Variants in DYNC1I1 observed in about 807,000 individuals in gnomAD.
The protein encoded by DYNC1I1 is dynein cytoplasmic 1 intermediate chain 1, also known as cytoplasmic dynein 1 intermediate chain 1.
A neutral mutation model predicts 86.6 loss-of-function variants in DYNC1I1; 43 were observed. That is an observed-to-expected ratio of 0.50 (90% confidence interval 0.39 to 0.64). The LOEUF (loss-of-function observed/expected upper bound fraction) is 0.64, where lower values mean the gene tolerates loss of function less well. Among genes scored for constraint, DYNC1I1 ranks in the 30% least tolerant of loss-of-function variants. DYNC1I1 has a pLI of 0.00. For synonymous variants in DYNC1I1, 262 were observed against 283.7 expected, an observed-to-expected ratio of 0.92 and a Z score of 0.77; for missense variants, 604 against 788.8, an observed-to-expected ratio of 0.77 and a Z score of 2.81.
chr7:95,804,357 T>G (rs1794655124), intron 1 of DYNC1I1: 1 of 1,277,162 alleles, frequency 7.8e-7, no homozygotes, highest in Admixed American at 2.5e-5. Context: ...ATCATCTAAA[T>G]TGGAAGTCAT....
intron 6 of DYNC1I1, among the ~76,000 whole-genome samples, chr7:95,957,742 A>C (rs749456886): frequency 3.9e-5 from 6 of 152,158 alleles, no homozygotes; most frequent in Non-Finnish European, 5.9e-5. Flanking sequence ...GTGTTTGCTG[A>C]TTGTGGGATT....
intron 16 of DYNC1I1, among the ~76,000 whole-genome samples, chr7:96,107,027 T>G (rs367544531): frequency 1.3e-5 from 2 of 151,380 alleles, no homozygotes; most frequent in East Asian, 3.9e-4. Context: ...CCATTTTTCA[T>G]TCATACTTTT....
Position 95,884,332 on chromosome 7 carries a change from G to C in DYNC1I1, c.490+14334G>C, listed in dbSNP as rs78271000. The stretch of plus-strand genomic sequence containing the variant: ...CTAACGGGTAAGAGAGATGAGCTCA[G>C]ATTGGAGGAGCTCACCTCAGCCTCT... On this transcript the variant is annotated intron_variant, in intron 6 of 16. Coordinates refer to ENST00000447467, the MANE Select transcript of DYNC1I1 (RefSeq NM_001135556.2). Among the ~76,000 whole-genome samples the C allele has an allele frequency of 6.0e-3, 914 of 152,138 alleles. 17 individuals carry two copies. The highest frequency in any genetic ancestry group is 0.02 in the African/African-American group (828 of 41,506).
intron 6 of DYNC1I1, among the ~76,000 whole-genome samples, chr7:95,876,679 T>G (rs543893302): frequency 6.6e-6 from 1 of 152,258 alleles, no homozygotes; most frequent in Non-Finnish European, 1.5e-5. Flanking sequence ...AATGACACAG[T>G]CAAGAAATAG....
chr7:95,877,534 A>G (rs1038468715), intron 6 of DYNC1I1, among the ~76,000 whole-genome samples: 4 of 152,258 alleles, frequency 2.6e-5, no homozygotes, highest in Admixed American at 1.3e-4. Context: ...TCAAAATCAG[A>G]GAGCTCAGAA....
intron 14 of DYNC1I1, among the ~76,000 whole-genome samples, chr7:96,062,275 T>A (rs1480488486): frequency 1.3e-5 from 2 of 152,244 alleles, no homozygotes; most frequent in Non-Finnish European, 2.9e-5. Flanking sequence ...TCAGCAGAGC[T>A]GTATTTTAAA....
intron 5 of DYNC1I1, among the ~76,000 whole-genome samples, chr7:95,835,137 C>G (rs1367297304): frequency 1.2e-5 from 1 of 82,476 alleles, no homozygotes; most frequent in African/African-American, 6.0e-5. Context: ...CTACACACTG[C>G]TTTGAATGCG....
rs773232054 is a variant in DYNC1I1 at position 96,076,049 on chromosome 7, C to T, written c.1510-8C>T. On this transcript the variant is annotated splice_region_variant and splice_polypyrimidine_tract_variant and intron_variant, in intron 14 of 16. Transcript: ENST00000447467. ...CCACAAAGTCTTCACGGTCTCTCTG[C>T]TTTACAGCACAACAAGCCGCTCTAC... 3 of 1,612,980 alleles carry T rather than the reference C, an allele frequency of 1.9e-6. No homozygotes were observed. The highest frequency in any genetic ancestry group is 2.5e-6 in the Non-Finnish European group (3 of 1,179,262).
chr7:95,846,617 ATCTC>A (rs71739811), intron 5 of DYNC1I1, among the ~76,000 whole-genome samples: 1,583 of 121,350 alleles, frequency 0.013, 60 homozygotes, highest in African/African-American at 0.039. Flanking sequence ...TAAATGATAA[ATCTC>A]TCTCTCTGTG....
intron 14 of DYNC1I1, among the ~76,000 whole-genome samples, chr7:96,063,206 G>A (rs905961724): frequency 7.2e-5 from 11 of 151,732 alleles, no homozygotes; most frequent in African/African-American, 2.7e-4. Flanking sequence ...TGGTTGAGCC[G>A]TAGTCATTGA....
chr7:96,079,128 T>C (rs1790435913), intron 15 of DYNC1I1, among the ~76,000 whole-genome samples: 1 of 152,126 alleles, frequency 6.6e-6, no homozygotes, highest in Non-Finnish European at 1.5e-5. Flanking sequence ...GATTCTTATA[T>C]ATGATGGAGT....
rs775216924 is a variant in DYNC1I1, at chr7:96,035,733, A to G, written c.1345A>G (p.Thr449Ala). Residue 449 changes from threonine (T) to alanine (A), a missense_variant, in exon 13 of 17, where the codon ACG becomes GCG. Transcript: ENST00000447467. ...VVGSEEGTVY[T>A]ACRHGSKAGI... Reference sequence around the variant, plus strand: ...TGGCAGTGAGGAAGGTACAGTCTACACGGCTTGTCGTCATGGAAGGTGATT... The same window carrying G: ...TGGCAGTGAGGAAGGTACAGTCTACGCGGCTTGTCGTCATGGAAGGTGATT... 7 of 1,610,302 alleles carry G rather than the reference A, an allele frequency of 4.3e-6. No individual in the cohort carries two copies. The Admixed American group carries it at 6.8e-5, about 16-fold the overall frequency.
At chr7:95,902,643 A>C (rs1423531052) in intron 6 of DYNC1I1, among the ~76,000 whole-genome samples, 1 of 152,184 alleles carries the variant, frequency 6.6e-6, no homozygotes, top group Non-Finnish European at 1.5e-5. Flanking sequence ...CATTTTAAGA[A>C]CATGGCATTT....
At chr7:95,861,501 T>G (rs529596981) in intron 5 of DYNC1I1, among the ~76,000 whole-genome samples, 5 of 152,200 alleles carry the variant, frequency 3.3e-5, no homozygotes, top group Non-Finnish European at 7.3e-5. Context: ...GCTGGTGACA[T>G]CTATGGAATT....
intron 6 of DYNC1I1, among the ~76,000 whole-genome samples, chr7:95,883,937 A>C (rs1387736954): frequency 2.6e-5 from 4 of 152,182 alleles, no homozygotes; most frequent in Non-Finnish European, 5.9e-5. Context: ...ATGTTTTTTT[A>C]ATGAAGATTT....
chr7:95,845,410 C>A (rs1424418819), intron 5 of DYNC1I1, among the ~76,000 whole-genome samples: 1 of 152,192 alleles, frequency 6.6e-6, no homozygotes, highest in African/African-American at 2.4e-5. Context: ...ATTTGCCTAA[C>A]AGAACAGATG....
intron 14 of DYNC1I1, 116 bp downstream of exon 14, chr7:96,039,537 C>A: frequency 7.7e-7 from 1 of 1,295,032 alleles, no homozygotes; most frequent in East Asian, 2.4e-5. Flanking sequence ...ATTGGGAATT[C>A]ATATACCTTC....
At chr7:96,105,671 G>A (rs1791204742) in intron 16 of DYNC1I1, among the ~76,000 whole-genome samples, 1 of 152,082 alleles carries the variant, frequency 6.6e-6, no homozygotes, top group South Asian at 2.1e-4. Context: ...ATGAGGAGTT[G>A]GGAAGTGTTC....
At chr7:96,016,442 A>T (rs1390622593) in intron 10 of DYNC1I1, among the ~76,000 whole-genome samples, 1 of 152,078 alleles carries the variant, frequency 6.6e-6, no homozygotes, top group African/African-American at 2.4e-5. Flanking sequence ...ATTGAGTGAC[A>T]TATGGAGACT....
Sources: allele counts gnomAD v4.1 joint callset (sites outside exome capture counted in the v4.1 genomes callset), GRCh38; gene constraint gnomAD v4.1.1; transcripts MANE v1.5; gene names NCBI Gene and HGNC (gene_info 2026-07-23, HGNC 2026-07-21).